RAB43: variants seen among roughly 807,000 people sequenced by gnomAD.
RAB43 encodes the protein ras-related protein Rab-43.
RAB43 carries 6 observed loss-of-function variants against 18.8 expected under a neutral mutation model. That is an observed-to-expected ratio of 0.32 (90% confidence interval 0.17 to 0.63). RAB43 has a LOEUF of 0.63. Ranked by LOEUF, RAB43 falls within the 30% of genes least tolerant of loss-of-function variation. RAB43 has a pLI of 0.79. For synonymous variants in RAB43, 103 were observed against 124.1 expected (o/e 0.83, Z 1.13); for missense variants, 195 against 289.1 (o/e 0.67, Z 2.36).
At chr3:129,111,266 A>G (rs1472132356) in intron 1 of RAB43, among the ~76,000 whole-genome samples, 3 of 151,828 alleles carry the variant, frequency 2.0e-5, no homozygotes, top group South Asian at 2.1e-4. Context: ...TGTAATCCCA[A>G]CACTTTGGGA....
intron 1 of RAB43, among the ~76,000 whole-genome samples, chr3:129,102,822 A>G (rs1247124835): frequency 6.6e-6 from 1 of 151,332 alleles, no homozygotes; most frequent in Non-Finnish European, 1.5e-5. Context: ...GCCAGCTGGC[A>G]TTAGGCAGCA....
intron 1 of RAB43, among the ~76,000 whole-genome samples, chr3:129,103,757 G>A: frequency 6.6e-6 from 1 of 152,142 alleles, no homozygotes; most frequent in East Asian, 1.9e-4. Context: ...TAGAGACAGG[G>A]TTTCACCATG....
intron 2 of RAB43, among the ~76,000 whole-genome samples, chr3:129,094,738 C>T (rs1933923518): frequency 6.6e-6 from 1 of 151,622 alleles, no homozygotes; most frequent in Admixed American, 6.6e-5. Flanking sequence ...AGGATGATCT[C>T]GATCTCCTGA....
chr3:129,108,263 C>T lies in RAB43; in HGVS notation c.204+13023G>A, dbSNP rs146278403. ...CAGAACTCAGCACACCTCCCTAGGA[C>T]AGCCACGGCAGCCACATGGCCCTGC... On this transcript the variant is annotated intron_variant, in intron 1 of 2. Coordinates refer to ENST00000315150, the MANE Select transcript of RAB43 (RefSeq NM_198490.3). 2.6e-3 allele frequency among the ~76,000 whole-genome samples: 402 copies of T among 152,356 alleles called. 2 individuals carry two copies. The highest frequency in any genetic ancestry group is 5.0e-3 in the Non-Finnish European group (337 of 68,024).
rs1159345320 is a variant in RAB43, at chr3:129,107,916, A to ATTG, written c.205-12748_205-12747insCAA. Among the ~76,000 whole-genome samples the ATTG allele has an allele frequency of 1.3e-5, 2 of 152,142 alleles. No individual in the cohort carries two copies. The highest frequency in any genetic ancestry group is 2.9e-5 in the Non-Finnish European group (2 of 68,006). On this transcript the variant is annotated intron_variant, in intron 1 of 2. Transcript: ENST00000315150. This position sits in a 1 kb window ranked among gnomAD's most constrained non-coding sequence, Gnocchi z 4.2. The stretch of plus-strand genomic sequence containing the variant: ...GGTCACCTCTTCAACTCTCTAGAGC[A>ATTG]AACCCTCCTCCCCGGGCTCCCAGGC...
intron 1 of RAB43, among the ~76,000 whole-genome samples, chr3:129,105,981 C>T (rs1225106533): frequency 6.6e-6 from 1 of 152,128 alleles, no homozygotes; most frequent in Non-Finnish European, 1.5e-5. Flanking sequence ...AGAAGGGCCT[C>T]AACACATCAG....
chr3:129,113,977 G>A (rs563895422), intron 1 of RAB43, among the ~76,000 whole-genome samples: 1 of 152,008 alleles, frequency 6.6e-6, no homozygotes, highest in Non-Finnish European at 1.5e-5. Context: ...CAGTGAGCCG[G>A]GATCACGCCT....
intron 2 of RAB43, chr3:129,092,681 G>A (rs1216149876): frequency 6.5e-6 from 3 of 463,336 alleles, no homozygotes; most frequent in Non-Finnish European, 1.2e-5. Flanking sequence ...TATAGGCCGG[G>A]CGCGGTGGCT....
Position 129,101,231 on chromosome 3 carries a change from T to C in RAB43, c.205-6062A>G, listed in dbSNP as rs59965176. Among the ~76,000 whole-genome samples the C allele has an allele frequency of 7.0e-4, 106 of 152,360 alleles. 1 individual carries two copies. In the East Asian group the frequency reaches 0.019, roughly 28 times the overall value. ...TTTAACAATATTTACTGAGCTATTA[T>C]AATTTTGTGGCAAATGTTTTTAATA... On this transcript the variant is annotated intron_variant, in intron 1 of 2. Coordinates refer to ENST00000315150, the MANE Select transcript of RAB43 (RefSeq NM_198490.3).
intron 1 of RAB43, among the ~76,000 whole-genome samples, chr3:129,111,416 G>T (rs934908931): frequency 2.0e-5 from 3 of 150,992 alleles, no homozygotes; most frequent in Non-Finnish European, 4.4e-5. Context: ...TCAGGAGGCT[G>T]AGGCAGAAGA....
chr3:129,113,638 A>G (rs1935311165), intron 1 of RAB43, among the ~76,000 whole-genome samples: 1 of 152,148 alleles, frequency 6.6e-6, no homozygotes, highest in African/African-American at 2.4e-5. Flanking sequence ...TGCGAGGCAA[A>G]CTGGTGCAAG....
intron 1 of RAB43, among the ~76,000 whole-genome samples, chr3:129,098,071 G>C (rs538113318): frequency 6.6e-6 from 1 of 152,302 alleles, no homozygotes; most frequent in Admixed American, 6.5e-5. Flanking sequence ...CTCTTGACCA[G>C]AGAGTGCCCC....
chr3:129,103,909 A>G lies in RAB43; in HGVS notation c.205-8740T>C, dbSNP rs1034477349. On this transcript the variant is annotated intron_variant, in intron 1 of 2. Coordinates refer to ENST00000315150, the MANE Select transcript of RAB43 (RefSeq NM_198490.3). The stretch of plus-strand genomic sequence containing the variant: ...AGCAGTCCCATCCTGTCCCAACCCC[A>G]ATTTATTTTTCTTTAGTGCACGTCA... Among the ~76,000 whole-genome samples, 58 of 152,100 alleles carry G rather than the reference A, an allele frequency of 3.8e-4. 1 individual carries two copies. Among genetic ancestry groups the G allele is most frequent in the Middle Eastern group, 3.4e-3 (1 of 292 alleles).
intron 1 of RAB43, among the ~76,000 whole-genome samples, chr3:129,117,304 G>A (rs1935606658): frequency 6.6e-6 from 1 of 152,170 alleles, no homozygotes; most frequent in Admixed American, 6.5e-5. Flanking sequence ...CCATTTCACA[G>A]ATGAGGAAGC....
chr3:129,108,876 C>T (rs755208146), intron 1 of RAB43, among the ~76,000 whole-genome samples: 5 of 152,130 alleles, frequency 3.3e-5, no homozygotes, highest in African/African-American at 7.2e-5. Context: ...AACGTGGCAC[C>T]GGGGGCTGCC....
chr3:129,096,829 A>G lies in RAB43; in HGVS notation c.205-1660T>C, dbSNP rs183324101. Among the ~76,000 whole-genome samples, 112 of 152,308 alleles carry G rather than the reference A, an allele frequency of 7.4e-4. 1 individual carries two copies. The highest frequency in any genetic ancestry group is 2.5e-3 in the African/African-American group (103 of 41,576). On this transcript the variant is annotated intron_variant, in intron 1 of 2. Transcript: ENST00000315150. Reference sequence around the variant, plus strand: ...ATGGAAAAGAGAGAAAATAAAATTGAAAGCCAGGTGCGGTGGCTCAAGCCT... The same window carrying G: ...ATGGAAAAGAGAGAAAATAAAATTGGAAGCCAGGTGCGGTGGCTCAAGCCT...
intron 1 of RAB43, among the ~76,000 whole-genome samples, chr3:129,113,072 G>A (rs1048691389): frequency 2.6e-5 from 4 of 151,908 alleles, no homozygotes; most frequent in Non-Finnish European, 4.4e-5. Context: ...TGAAACCTTC[G>A]GGAAATGCAT....
intron 1 of RAB43, among the ~76,000 whole-genome samples, chr3:129,101,805 G>A (rs1257006654): frequency 1.3e-5 from 2 of 152,196 alleles, no homozygotes; most frequent in African/African-American, 2.4e-5. Flanking sequence ...TTCTTGCAAC[G>A]TAAAGCCACT....
At chr3:129,101,883 C>T (rs569843848) in intron 1 of RAB43, among the ~76,000 whole-genome samples, 11 of 152,304 alleles carry the variant, frequency 7.2e-5, no homozygotes, top group South Asian at 4.1e-4. Context: ...ATCTTATCAG[C>T]GCACCCTGCA....
Sources: allele counts gnomAD v4.1 joint callset (sites outside exome capture counted in the v4.1 genomes callset), GRCh38; gene constraint gnomAD v4.1.1; non-coding constraint Gnocchi (gnomAD v3.1); transcripts MANE v1.5; gene names NCBI Gene and HGNC (gene_info 2026-07-23, HGNC 2026-07-21).